MYO1H: variants seen among roughly 807,000 people sequenced by gnomAD.
MYO1H encodes unconventional myosin-Ih.
MYO1H carries 118 observed loss-of-function variants against 149.3 expected under a neutral mutation model. That is an observed-to-expected ratio of 0.79 (90% CI 0.68 to 0.92). MYO1H has a LOEUF of 0.92. MYO1H is among the 40% of genes least tolerant of loss of function. The pLI is 0.00. For missense variants in MYO1H, 1,212 were observed against 1,280.7 expected (o/e 0.95, Z 0.82); for synonymous variants, 447 against 465.2 (o/e 0.96, Z 0.50).
chr12:109,432,000 T>C (rs1428466820), intron 19 of MYO1H, among the ~76,000 whole-genome samples: 1 of 135,676 alleles, frequency 7.4e-6, no homozygotes, highest in Non-Finnish European at 1.6e-5. Flanking sequence ...AAATTTTTTT[T>C]TTTTTTTTTT....
chr12:109,444,354 G>A (rs959656781), intron 29 of MYO1H, 71 bp downstream of exon 29: 25 of 1,569,186 alleles, frequency 1.6e-5, no homozygotes, highest in South Asian at 3.3e-5. Context: ...GTTGACCACC[G>A]TGAAACTTCT....
At chr12:109,391,670 A>G (rs1869659544) in intron 2 of MYO1H, among the ~76,000 whole-genome samples, 1 of 152,012 alleles carries the variant, frequency 6.6e-6, no homozygotes, top group Non-Finnish European at 1.5e-5. Context: ...ACTAATTTAC[A>G]CTCCCACCAA....
chr12:109,442,474 A>C (rs7132057), intron 27 of MYO1H, among the ~76,000 whole-genome samples: 50,771 of 151,948 alleles, frequency 0.33, 8,714 homozygotes, highest in African/African-American at 0.4. Flanking sequence ...TTCTCATGAC[A>C]CCTCCGTCAC....
At position 109,426,057 on chromosome 12, in the gene MYO1H, T is replaced by C; in HGVS notation, c.1831+6T>C. The C allele has an allele frequency of 6.2e-7, 1 of 1,604,760 alleles. No individual in the cohort carries two copies. The highest frequency in any genetic ancestry group is 1.3e-5 in the African/African-American group (1 of 74,746). On this transcript the variant is annotated splice_donor_region_variant and intron_variant, in intron 18 of 31. Coordinates refer to ENST00000310903, the Ensembl canonical transcript of MYO1H. ...CAACGACAGGAAAGAACCCAGTGAGTTGTGGATCATTATGAACTGGGCTCA... is the reference window on the plus strand; with the variant it reads ...CAACGACAGGAAAGAACCCAGTGAGCTGTGGATCATTATGAACTGGGCTCA...
At chr12:109,395,668 G>A (rs1869858771) in intron 3 of MYO1H, among the ~76,000 whole-genome samples, 1 of 151,716 alleles carries the variant, frequency 6.6e-6, no homozygotes, top group Non-Finnish European at 1.5e-5. Context: ...TTGGGAGGCA[G>A]AGGTTGCAAT....
At chr12:109,376,284 C>G (rs1056555191) in intron 1 of MYO1H, among the ~76,000 whole-genome samples, 1 of 152,156 alleles carries the variant, frequency 6.6e-6, no homozygotes, top group African/African-American at 2.4e-5. Flanking sequence ...AACTACTGAT[C>G]CACTTTCCAT....
intron 14 of MYO1H, among the ~76,000 whole-genome samples, chr12:109,412,543 T>A (rs947161840): frequency 6.6e-6 from 1 of 152,174 alleles, no homozygotes; most frequent in African/African-American, 2.4e-5. Context: ...CATGAAATAA[T>A]CTTTTCAAAA....
chr12:109,363,244 T>C (rs1304488148), intron 1 of MYO1H, among the ~76,000 whole-genome samples: 1 of 152,234 alleles, frequency 6.6e-6, no homozygotes, highest in Non-Finnish European at 1.5e-5. Flanking sequence ...ATGTTGTGAG[T>C]ACATTTCATT....
intron 19 of MYO1H, among the ~76,000 whole-genome samples, chr12:109,431,381 A>AAAAT (rs529979430): frequency 2.0e-5 from 3 of 152,116 alleles, no homozygotes; most frequent in Admixed American, 1.3e-4. Flanking sequence ...CTCCGTCTCA[A>AAAAT]AAATAAATAA....
At chr12:109,325,225 G>A in the MYO1H span, among the ~76,000 whole-genome samples, 3 of 150,818 alleles carry the variant, frequency 2.0e-5, no homozygotes, top group Non-Finnish European at 4.4e-5. Flanking sequence ...TAATCCTTTG[G>A]GTATATACCC....
chr12:109,415,849 C>A (rs1870879196), intron 15 of MYO1H, among the ~76,000 whole-genome samples: 1 of 152,080 alleles, frequency 6.6e-6, no homozygotes, highest in East Asian at 1.9e-4. Context: ...TTAAAATGTA[C>A]AATTCAGCAG....
At chr12:109,340,326 G>A in the MYO1H span, among the ~76,000 whole-genome samples, 332 of 152,060 alleles carry the variant, frequency 2.2e-3, 1 homozygote, top group African/African-American at 7.4e-3. Context: ...GATTACAGGC[G>A]CCCGGCTAAT....
chr12:109,349,833 T>A (rs1413387801), intron 1 of MYO1H, among the ~76,000 whole-genome samples: 7 of 150,488 alleles, frequency 4.7e-5, no homozygotes, highest in Non-Finnish European at 7.4e-5. Flanking sequence ...TGGTAGGGGG[T>A]GCCTATAGTC....
chr12:109,443,094 ATATGTGTACGTATATG>A (rs1872258664), intron 27 of MYO1H, among the ~76,000 whole-genome samples: 1 of 82,532 alleles, frequency 1.2e-5, no homozygotes, highest in Non-Finnish European at 2.7e-5. Context: ...ATGTGTGTAT[ATATGTGTACGTATATG>A]TGTGTATATG....
chr12:109,448,105 AAATATACGTGTAGC>A (rs1654711157), exon 32 of MYO1H: 1 of 151,782 alleles, frequency 6.6e-6, no homozygotes, highest in Non-Finnish European at 1.5e-5. Flanking sequence ...TGATTTAATT[AAATATACGTGTAGC>A]TCATGTATTT....
exon 12 of MYO1H, chr12:109,410,042 G>A: frequency 6.5e-7 from 1 of 1,536,250 alleles, no homozygotes; most frequent in Middle Eastern, 1.7e-4. Context: ...AGCAGAACAG[G>A]CAGAATATGA....
intron 1 of MYO1H, among the ~76,000 whole-genome samples, chr12:109,370,961 T>G (rs1037956730): frequency 3.9e-5 from 6 of 152,216 alleles, no homozygotes; most frequent in Non-Finnish European, 8.8e-5. Flanking sequence ...GTTTCATAAC[T>G]GTAACTTGTA....
the MYO1H span, among the ~76,000 whole-genome samples, chr12:109,325,058 T>G: frequency 6.6e-6 from 1 of 152,242 alleles, no homozygotes. Flanking sequence ...ATCTCATTCT[T>G]TTTATGGCTG....
chr12:109,393,167 G>A lies in MYO1H; in HGVS notation c.175-164G>A, dbSNP rs186959173. Among the ~76,000 whole-genome samples the A allele has an allele frequency of 8.1e-4, 124 of 152,152 alleles. 1 individual carries two copies. The highest frequency in any genetic ancestry group is 2.6e-3 in the African/African-American group (110 of 41,528). On this transcript the variant is annotated intron_variant, in intron 2 of 31. Coordinates refer to ENST00000310903, the Ensembl canonical transcript of MYO1H. ...AGCTGTCTTCATTCCTCAGCTGTTTGTCTGCTGTCTCCCTCATACACCTGC... is the reference window on the plus strand; with the variant it reads ...AGCTGTCTTCATTCCTCAGCTGTTTATCTGCTGTCTCCCTCATACACCTGC...
Sources: gnomAD v4.1 joint callset for allele counts (sites outside exome capture counted in the v4.1 genomes callset) on GRCh38, gnomAD v4.1.1 for gene constraint, MANE v1.5 for transcripts, NCBI Gene and HGNC (gene_info 2026-07-23, HGNC 2026-07-21) for gene names.